The following FOXL2NB variants were observed in gnomAD, a reference collection of about 807,000 sequenced individuals.
The protein encoded by FOXL2NB is FOXL2 neighbor.
FOXL2NB carries 10 observed loss-of-function variants against 7.4 expected under a neutral mutation model. The observed-to-expected ratio is 1.34, with a 90% CI of 0.83 to 2.28. The LOEUF is 2.28. FOXL2NB is among the 30% of genes most tolerant of loss of function. FOXL2NB has a pLI of 0.00. For missense variants in FOXL2NB, 228 were observed against 233.9 expected, an observed-to-expected ratio of 0.97 and a Z score of 0.17; for synonymous variants, 104 against 105.3, an observed-to-expected ratio of 0.99 and a Z score of 0.08.
Position 138,947,323 on chromosome 3 carries a change from C to T in FOXL2NB, c.-42C>T. 1 of 1,501,894 alleles carries T rather than the reference C, an allele frequency of 6.7e-7. No individual in the cohort carries two copies. The highest frequency in any genetic ancestry group is 9.0e-7 in the Non-Finnish European group (1 of 1,108,052). 93.0% of individuals were successfully genotyped at this position (1,501,894 alleles called of 1,614,324 possible). A position where few individuals can be genotyped will look rare whatever the true frequency, so the allele number is the denominator to read the frequency against. ...CAGCCGACAGCCAGGCTCACGCGCCCTTGAAATCTGCCGGTACTCGCTCTG... is the reference window on the plus strand; with the variant it reads ...CAGCCGACAGCCAGGCTCACGCGCCTTTGAAATCTGCCGGTACTCGCTCTG... On this transcript the variant is annotated 5_prime_UTR_variant, in exon 1 of 3. Transcript: ENST00000383165. This position sits in a 1 kb window ranked among gnomAD's most constrained non-coding sequence, Gnocchi z 5.2.
At position 138,947,882 on chromosome 3, in the gene FOXL2NB, C is replaced by A; in HGVS notation, c.100+418C>A. On this transcript the variant is annotated intron_variant, in intron 1 of 2. Transcript: ENST00000383165. The surrounding 1 kb of genome is among the most constrained non-coding windows in gnomAD (Gnocchi z 5.2). ...AGCTATTGCACTAACACAGGCGGGG[C>A]TGTTGCCCGGGACTTTGCGGGACTG... 2.0e-6 allele frequency: 2 copies of A among 999,702 alleles called. No individual in the cohort carries two copies. The highest frequency in any genetic ancestry group is 2.4e-6 in the Non-Finnish European group (2 of 839,514). The allele number at this position is 999,702 out of a possible 1,614,324, so 61.9% of individuals were successfully genotyped here.
chr3:138,949,531 C>G lies in FOXL2NB; in HGVS notation c.112C>G (p.Leu38Val). Residue 38 changes from leucine to valine, a missense_variant, in exon 2 of 3, where the codon CTG (leucine) becomes GTG (valine). Transcript: ENST00000383165. The surrounding 1 kb of genome is among the most constrained non-coding windows in gnomAD (Gnocchi z 4.5). ...ASSRLSESPA[L>V]VKKRMPDACT... is the part of the protein sequence containing the mutation. Reference sequence around the variant, plus strand: ...CCGTAGAGGAACAGAATCCCCAGCCCTGGTGAAGAAGAGGATGCCTGATGC... The same window carrying G: ...CCGTAGAGGAACAGAATCCCCAGCCGTGGTGAAGAAGAGGATGCCTGATGC... The G allele has an allele frequency of 6.2e-7, 1 of 1,614,106 alleles. No individual in the cohort carries two copies. The highest frequency in any genetic ancestry group is 1.3e-5 in the African/African-American group (1 of 75,024).
Position 138,947,584 on chromosome 3 carries a change from T to C in FOXL2NB, c.100+120T>C. The C allele has an allele frequency of 7.0e-7, 1 of 1,431,814 alleles. No individual in the cohort carries two copies. The highest frequency in any genetic ancestry group is 9.2e-7 in the Non-Finnish European group (1 of 1,090,428). 88.7% of individuals were successfully genotyped at this position (1,431,814 alleles called of 1,614,324 possible). The stretch of plus-strand genomic sequence containing the variant: ...CTGGACGGGGTAGGGTGGGGAGAGC[T>C]GCTCTGAGGCTTTGGGAAAGTCAGC... On this transcript the variant is annotated intron_variant, in intron 1 of 2. Transcript: ENST00000383165. The surrounding 1 kb of genome is among the most constrained non-coding windows in gnomAD (Gnocchi z 5.2).
In FOXL2NB at chr3:138,950,748, C is replaced by T; in HGVS notation, c.*176C>T. 1.6e-6 allele frequency: 1 copy of T among 643,760 alleles called. No homozygotes were observed. Among genetic ancestry groups the T allele is most frequent in the South Asian group, 2.0e-5 (1 of 49,596 alleles). The allele number at this position is 643,760 out of a possible 1,614,324, so 39.9% of individuals were successfully genotyped here. ...TCAACTCCAAATCCCCTCTAGTTCT[C>T]CCTCCCCTCCTACTTCTCTCACACT... On this transcript the variant is annotated 3_prime_UTR_variant, in exon 3 of 3. Transcript: ENST00000383165.
chr3:138,949,591 A>C lies in FOXL2NB; in HGVS notation c.172A>C (p.Lys58Gln). The stretch of plus-strand genomic sequence containing the variant: ...GGGAAGGGCTGGAATCGGTCTCCCC[A>C]AGATGTGCCTTCACATGGCTGTCCG... ...TLGRAGIGLP[K>Q]MCLHMAVRHS... Residue 58 changes from lysine (K) to glutamine (Q), a missense_variant, in exon 2 of 3, where the codon AAG becomes CAG. By Grantham distance (53) the Lys-to-Gln change is moderately conservative. Transcript: ENST00000383165. This position sits in a 1 kb window ranked among gnomAD's most constrained non-coding sequence, Gnocchi z 4.5. 6.2e-7 allele frequency: 1 copy of C among 1,614,142 alleles called. No homozygotes were observed. Among genetic ancestry groups the C allele is most frequent in the Non-Finnish European group, 8.5e-7 (1 of 1,180,002 alleles).
Position 138,949,644 on chromosome 3 carries a change from GA to G in FOXL2NB, c.220+9del, listed in dbSNP as rs1438235898. 3.7e-6 allele frequency: 6 copies of G among 1,613,990 alleles called. No homozygotes were observed. The African/African-American group carries it at 8.0e-5, about 22-fold the overall frequency. ...ATTCGAAGGCTCAGAAAACAGGCAA[GA>G]AAATGCGGGCGGGAAAGCTGGCAGA... On this transcript the variant is annotated splice_donor_region_variant and intron_variant, in intron 2 of 2. Coordinates refer to ENST00000383165, the MANE Select transcript of FOXL2NB (RefSeq NM_001040061.3). This position sits in a 1 kb window ranked among gnomAD's most constrained non-coding sequence, Gnocchi z 4.5.
Position 138,947,499 on chromosome 3 carries a change from C to A in FOXL2NB, c.100+35C>A. ...AACGACTCCTTTGCTCTGCCGTTTG[C>A]TGCCGTCTTGAGGCTGAACTTCTAG... is the stretch of plus-strand genomic sequence containing the variant. On this transcript the variant is annotated intron_variant, in intron 1 of 2. Coordinates refer to ENST00000383165, the MANE Select transcript of FOXL2NB (RefSeq NM_001040061.3). This position sits in a 1 kb window ranked among gnomAD's most constrained non-coding sequence, Gnocchi z 5.2. 1 of 1,521,310 alleles carries A rather than the reference C, an allele frequency of 6.6e-7. No homozygotes were observed. The highest frequency in any genetic ancestry group is 1.4e-5 in the African/African-American group (1 of 71,828). 94.2% of individuals were successfully genotyped at this position (1,521,310 alleles called of 1,614,324 possible). A position where few individuals can be genotyped will look rare whatever the true frequency, so the allele number is the denominator to read the frequency against.
chr3:138,949,741 C>A lies in FOXL2NB; in HGVS notation c.220+102C>A. On this transcript the variant is annotated intron_variant, in intron 2 of 2. Transcript: ENST00000383165. The surrounding 1 kb of genome is among the most constrained non-coding windows in gnomAD (Gnocchi z 4.5). The stretch of plus-strand genomic sequence containing the variant: ...GGCTTCGGGCTGGAGATAGAGGAAT[C>A]TAGGGAGAGAACAGAATCCTCTCCT... 6.5e-7 allele frequency: 1 copy of A among 1,535,596 alleles called. No individual in the cohort carries two copies. The highest frequency in any genetic ancestry group is 9.0e-7 in the Non-Finnish European group (1 of 1,117,222).
rs1576470840 is a variant in FOXL2NB, at chr3:138,947,335, C to G, written c.-30C>G. The G allele has an allele frequency of 6.6e-7, 1 of 1,522,828 alleles. No homozygotes were observed. Among genetic ancestry groups the G allele is most frequent in the African/African-American group, 1.4e-5 (1 of 72,242 alleles). 94.3% of individuals were successfully genotyped at this position (1,522,828 alleles called of 1,614,324 possible). ...AGGCTCACGCGCCCTTGAAATCTGC[C>G]GGTACTCGCTCTGCGGGCTGGGCTG... is the stretch of plus-strand genomic sequence containing the variant. On this transcript the variant is annotated 5_prime_UTR_variant, in exon 1 of 3. Transcript: ENST00000383165. The surrounding 1 kb of genome is among the most constrained non-coding windows in gnomAD (Gnocchi z 5.2).
In FOXL2NB at chr3:138,952,026, A is replaced by G. The variant is rs958814761; in HGVS notation, c.*1454A>G. On this transcript the variant is annotated 3_prime_UTR_variant, in exon 3 of 3. Transcript: ENST00000383165. ...TCATTGACAGCCAGCTCAGGATCTG[A>G]GAGTTCTTTGCCATTTGGGGTTATT... The G allele has an allele frequency of 6.6e-6, 1 of 152,252 alleles. No homozygotes were observed. The highest frequency in any genetic ancestry group is 1.5e-5 in the Non-Finnish European group (1 of 68,062). The allele number at this position is 152,252 out of a possible 1,614,324, so 9.4% of individuals were successfully genotyped here.
rs1936120445 is a variant in FOXL2NB, at chr3:138,950,967, G to A, written c.*395G>A. The A allele has an allele frequency of 4.1e-6, 1 of 243,816 alleles. No homozygotes were observed. Among genetic ancestry groups the A allele is most frequent in the Non-Finnish European group, 7.8e-6 (1 of 127,560 alleles). The allele number at this position is 243,816 out of a possible 1,614,324, so 15.1% of individuals were successfully genotyped here. On this transcript the variant is annotated 3_prime_UTR_variant, in exon 3 of 3. Coordinates refer to ENST00000383165, the MANE Select transcript of FOXL2NB (RefSeq NM_001040061.3). ...CTCTGATGTCCTTGGCCTGTGATTC[G>A]GGTGACTGGGCTGCCACCTGGGTGT...
rs770582774 is a variant in FOXL2NB, at chr3:138,950,586, A to G, written c.*14A>G. 1 of 1,608,968 alleles carries G rather than the reference A, an allele frequency of 6.2e-7. No homozygotes were observed. Among genetic ancestry groups the G allele is most frequent in the Non-Finnish European group, 8.5e-7 (1 of 1,178,604 alleles). The stretch of plus-strand genomic sequence containing the variant: ...TGTGTCTATTAGTACATCCCCATAC[A>G]CTCCACGCCTCAACAACTGTCAGCA... On this transcript the variant is annotated 3_prime_UTR_variant, in exon 3 of 3. Transcript: ENST00000383165.
Position 138,949,563 on chromosome 3 carries a change from C to T in FOXL2NB, c.144C>T (p.Thr48=), listed in dbSNP as rs559748613. The change falls in exon 2 of 3, where the codon ACC becomes ACT. Residue 48 remains threonine (T), a synonymous_variant. Transcript: ENST00000383165. The surrounding 1 kb of genome is among the most constrained non-coding windows in gnomAD (Gnocchi z 4.5). ...LVKKRMPDAC[T]LGRAGIGLPK... The stretch of plus-strand genomic sequence containing the variant: ...AGAAGAGGATGCCTGATGCGTGCAC[C>T]CTGGGAAGGGCTGGAATCGGTCTCC... 6.2e-7 allele frequency: 1 copy of T among 1,614,130 alleles called. No homozygotes were observed. The highest frequency in any genetic ancestry group is 2.2e-5 in the East Asian group (1 of 44,874).
Position 138,947,632 on chromosome 3 carries a change from G to C in FOXL2NB, c.100+168G>C. On this transcript the variant is annotated intron_variant, in intron 1 of 2. Transcript: ENST00000383165. This position sits in a 1 kb window ranked among gnomAD's most constrained non-coding sequence, Gnocchi z 5.2. ...AGCCCAGAAACGGGTGTGACTGTAC[G>C]AAGAAGCCTCGGCCTGGCCTGTCCC... 1.4e-6 allele frequency: 2 copies of C among 1,391,908 alleles called. No individual in the cohort carries two copies. Among genetic ancestry groups the C allele is most frequent in the East Asian group, 2.8e-5 (1 of 35,504 alleles). The allele number at this position is 1,391,908 out of a possible 1,614,324, so 86.2% of individuals were successfully genotyped here. A position where few individuals can be genotyped will look rare whatever the true frequency, so the allele number is the denominator to read the frequency against.
rs1936059105 is a variant in FOXL2NB at position 138,949,081 on chromosome 3, G to C, written c.101-439G>C. On this transcript the variant is annotated intron_variant, in intron 1 of 2. Transcript: ENST00000383165. This position sits in a 1 kb window ranked among gnomAD's most constrained non-coding sequence, Gnocchi z 4.5. The stretch of plus-strand genomic sequence containing the variant: ...TGGGTGGGAGTGGTGAGTCCGGTTT[G>C]GGGCTGCTGCAGATTGGCCTCAGTG... 6.6e-6 allele frequency among the ~76,000 whole-genome samples: 1 copy of C among 152,140 alleles called. No individual in the cohort carries two copies. The highest frequency in any genetic ancestry group is 1.5e-5 in the Non-Finnish European group (1 of 68,032).
intron 1 of FOXL2NB, among the ~76,000 whole-genome samples, chr3:138,948,585 T>A (rs940869810): frequency 2.0e-5 from 3 of 152,188 alleles, no homozygotes; most frequent in African/African-American, 7.2e-5. Context: ...ATGGATGTCA[T>A]ATAGCTGTGC....
chr3:138,947,862 T>G lies in FOXL2NB; in HGVS notation c.100+398T>G. 1 of 1,005,362 alleles carries G rather than the reference T, an allele frequency of 9.9e-7. No individual in the cohort carries two copies. Among genetic ancestry groups the G allele is most frequent in the Non-Finnish European group, 1.2e-6 (1 of 843,274 alleles). The allele number at this position is 1,005,362 out of a possible 1,614,324, so 62.3% of individuals were successfully genotyped here. On this transcript the variant is annotated intron_variant, in intron 1 of 2. Transcript: ENST00000383165. The surrounding 1 kb of genome is among the most constrained non-coding windows in gnomAD (Gnocchi z 5.2). The stretch of plus-strand genomic sequence containing the variant: ...GCACCAAGTAGATGCCCCTCAGCTA[T>G]TGCACTAACACAGGCGGGGCTGTTG...
At position 138,950,849 on chromosome 3, in the gene FOXL2NB, G is replaced by C; in HGVS notation, c.*277G>C. 1 of 470,662 alleles carries C rather than the reference G, an allele frequency of 2.1e-6. No individual in the cohort carries two copies. The highest frequency in any genetic ancestry group is 3.7e-6 in the Non-Finnish European group (1 of 268,330). 29.2% of individuals were successfully genotyped at this position (470,662 alleles called of 1,614,324 possible). ...GTCAAGCCAATGTGCAGACCCTAAG[G>C]CTTTTCACACGCTGCTCACTTTCGC... On this transcript the variant is annotated 3_prime_UTR_variant, in exon 3 of 3. Transcript: ENST00000383165.
chr3:138,949,387 TGTGC>T lies in FOXL2NB; in HGVS notation c.101-129_101-126del. On this transcript the variant is annotated intron_variant, in intron 1 of 2. Transcript: ENST00000383165. This position sits in a 1 kb window ranked among gnomAD's most constrained non-coding sequence, Gnocchi z 4.5. ...TTTAAAGAGCCTGTGTGTGTATGCA[TGTGC>T]GTGTGTGTGTGTGTGTGTGTGTGTG... is the stretch of plus-strand genomic sequence containing the variant. 3 of 1,003,306 alleles carry T rather than the reference TGTGC, an allele frequency of 3.0e-6. No individual in the cohort carries two copies. Among genetic ancestry groups the T allele is most frequent in the Non-Finnish European group, 4.3e-6 (3 of 699,620 alleles). 62.2% of individuals were successfully genotyped at this position (1,003,306 alleles called of 1,614,324 possible). A position where few individuals can be genotyped will look rare whatever the true frequency, so the allele number is the denominator to read the frequency against.
Sources: allele counts gnomAD v4.1 joint callset (sites outside exome capture counted in the v4.1 genomes callset), GRCh38; gene constraint gnomAD v4.1.1; non-coding constraint Gnocchi (gnomAD v3.1); transcripts MANE v1.5; gene names NCBI Gene and HGNC (gene_info 2026-07-23, HGNC 2026-07-21).